Variants in VOPP1 observed in about 807,000 individuals in gnomAD.
VOPP1 encodes VOPP1 WW domain binding protein, also known as WW domain binding protein VOPP1.
A neutral mutation model predicts 23.5 loss-of-function variants in VOPP1; 8 were observed. The ratio of observed to expected loss-of-function variants is 0.34; its 90% CI spans 0.20 to 0.61. VOPP1 has a LOEUF of 0.61. VOPP1 is among the 20% of genes least tolerant of loss of function. The pLI is 0.78. For missense variants in VOPP1, 174 were observed against 238.1 expected, an observed-to-expected ratio of 0.73 and a Z score of 1.77; for synonymous variants, 83 against 97.3, an observed-to-expected ratio of 0.85 and a Z score of 0.86.
intron 2 of VOPP1, among the ~76,000 whole-genome samples, chr7:55,511,953 A>C (rs1392038723): frequency 6.6e-6 from 1 of 152,228 alleles, no homozygotes; most frequent in Admixed American, 6.5e-5. Context: ...TGGGTTTATA[A>C]GAATTACAGA....
rs530915143 is a variant in VOPP1 at position 55,436,639 on chromosome 7, T to C, written n.418-465A>G. ...ATGAGTGTGTGTGTGTGCGTGTGTG[T>C]GCGTGCGTGGGTGTGTGTGCGTGTG... On this transcript the variant is annotated intron_variant and non_coding_transcript_variant, in intron 4 of 4. Transcript: ENST00000462326. 7.9e-5 allele frequency among the ~76,000 whole-genome samples: 11 copies of C among 139,088 alleles called. No homozygotes were observed. In the East Asian group the frequency reaches 1.0e-3, roughly 13 times the overall value. The allele number at this position is 139,088 out of a possible 152,430, so 91.2% of individuals were successfully genotyped here. A position where few individuals can be genotyped will look rare whatever the true frequency, so the allele number is the denominator to read the frequency against.
chr7:55,549,372 C>A (rs1797505020), intron 1 of VOPP1, among the ~76,000 whole-genome samples: 1 of 152,320 alleles, frequency 6.6e-6, no homozygotes, highest in Admixed American at 6.5e-5. Flanking sequence ...ACTGATGGCA[C>A]ATGCACGGGC....
intron 4 of VOPP1, among the ~76,000 whole-genome samples, chr7:55,454,030 T>C (rs1392065770): frequency 1.3e-5 from 2 of 152,220 alleles, no homozygotes; most frequent in Non-Finnish European, 2.9e-5. Flanking sequence ...CCAGTCCTTA[T>C]TTTTAAAATT....
chr7:55,447,259 G>C (rs1011569679), intron 4 of VOPP1, among the ~76,000 whole-genome samples: 16 of 152,232 alleles, frequency 1.1e-4, no homozygotes, highest in African/African-American at 3.9e-4. Context: ...CAGTGGAATT[G>C]TTCTATCCTG....
intron 4 of VOPP1, among the ~76,000 whole-genome samples, chr7:55,478,776 T>C (rs2129011629): frequency 6.6e-6 from 1 of 152,374 alleles, no homozygotes; most frequent in South Asian, 2.1e-4. Context: ...CCTGTCATTC[T>C]AGCCACCGAG....
intron 2 of VOPP1, among the ~76,000 whole-genome samples, chr7:55,520,486 G>A (rs997464835): frequency 6.6e-6 from 1 of 152,138 alleles, no homozygotes; most frequent in Non-Finnish European, 1.5e-5. Flanking sequence ...ACACGAAAAC[G>A]ACAGGAAGAA....
In VOPP1 at chr7:55,476,574, C is replaced by T. The variant is rs545512550; in HGVS notation, c.329-3529G>A. On this transcript the variant is annotated intron_variant, in intron 4 of 4. Coordinates refer to ENST00000285279, the MANE Select transcript of VOPP1 (RefSeq NM_030796.5). The stretch of plus-strand genomic sequence containing the variant: ...CCAGGAGGGACAGAGGCCAGGGGCC[C>T]AGGGGCCTGACTCCTGACAGCGTTC... 3.3e-5 allele frequency among the ~76,000 whole-genome samples: 5 copies of T among 152,256 alleles called. No homozygotes were observed. In the East Asian group the frequency reaches 7.7e-4, roughly 24 times the overall value.
At chr7:55,513,141 G>A (rs370427126) in intron 2 of VOPP1, among the ~76,000 whole-genome samples, 4 of 151,934 alleles carry the variant, frequency 2.6e-5, no homozygotes, top group East Asian at 3.8e-4. Context: ...GGTCAAAATC[G>A]ATAGTGCTGG....
At chr7:55,495,008 C>G (rs1453914587) in intron 3 of VOPP1, among the ~76,000 whole-genome samples, 2 of 152,020 alleles carry the variant, frequency 1.3e-5, no homozygotes, top group East Asian at 3.8e-4. Context: ...TTAGAAGTTA[C>G]CTGGTTACTT....
chr7:55,538,651 T>C (rs1796951913), intron 1 of VOPP1: 1 of 1,536,014 alleles, frequency 6.5e-7, no homozygotes, highest in South Asian at 1.2e-5. Flanking sequence ...AGAGTTTCGC[T>C]GAGCATTGTG....
At chr7:55,504,943 G>C (rs1332881173) in intron 2 of VOPP1, among the ~76,000 whole-genome samples, 1 of 152,206 alleles carries the variant, frequency 6.6e-6, no homozygotes. Flanking sequence ...TTCTCAGTAA[G>C]TTCTGTCTTC....
At chr7:55,529,038 CAATTCT>C (rs1796344963) in intron 1 of VOPP1, among the ~76,000 whole-genome samples, 1 of 152,260 alleles carries the variant, frequency 6.6e-6, no homozygotes, top group East Asian at 1.9e-4. Context: ...CTGAAGCCTT[CAATTCT>C]GATGATAGAG....
Position 55,472,888 on chromosome 7 carries a change from C to A in VOPP1, c.486G>T (p.Pro162=). ...PPPPAYCNTP[P]PPYEQVVKAK ...CCTTCACTACCTGTTCGTACGGGGG[C>A]GGAGGCGTGTTGCAGTAGGCTGGAG... Residue 162 remains proline, a synonymous_variant, in exon 5 of 5, where the codon CCG becomes CCT. Coordinates refer to ENST00000285279, the MANE Select transcript of VOPP1 (RefSeq NM_030796.5). The A allele has an allele frequency of 2.1e-6, 3 of 1,455,864 alleles. No homozygotes were observed. The highest frequency in any genetic ancestry group is 2.7e-6 in the Non-Finnish European group (3 of 1,099,644). 90.2% of individuals were successfully genotyped at this position (1,455,864 alleles called of 1,614,324 possible).
downstream of VOPP1, among the ~76,000 whole-genome samples, chr7:55,468,356 T>C (rs1220072400): frequency 2.0e-5 from 3 of 151,922 alleles, no homozygotes; most frequent in Non-Finnish European, 1.5e-5. Context: ...ATGGGGCCTT[T>C]GGAGCCCACA....
At chr7:55,569,897 C>T (rs962003719) in intron 1 of VOPP1, among the ~76,000 whole-genome samples, 6 of 152,128 alleles carry the variant, frequency 3.9e-5, no homozygotes, top group African/African-American at 1.4e-4. Flanking sequence ...GGGGTGGGAA[C>T]AGAGTCACCA....
rs142241498 is a variant in VOPP1, at chr7:55,511,530, C to A, written c.113+9542G>T. 3.4e-3 allele frequency among the ~76,000 whole-genome samples: 515 copies of A among 152,270 alleles called. 2 individuals carry two copies. The highest frequency in any genetic ancestry group is 0.024 in the Middle Eastern group (7 of 294). On this transcript the variant is annotated intron_variant, in intron 2 of 4. Transcript: ENST00000285279. ...AATGTGAAAGAAAAATATCTTGAATCCCCAAATCACTAAGCTAAAAGGAAA... is the reference window on the plus strand; with the variant it reads ...AATGTGAAAGAAAAATATCTTGAATACCCAAATCACTAAGCTAAAAGGAAA...
chr7:55,551,658 A>C (rs2129053848), intron 1 of VOPP1, among the ~76,000 whole-genome samples: 1 of 152,298 alleles, frequency 6.6e-6, no homozygotes, highest in Non-Finnish European at 1.5e-5. Context: ...GTCAGGGCTG[A>C]GGTGGAGGAA....
At chr7:55,520,238 G>C (rs1489200874) in intron 2 of VOPP1, among the ~76,000 whole-genome samples, 2 of 152,164 alleles carry the variant, frequency 1.3e-5, no homozygotes, top group Admixed American at 1.3e-4. Flanking sequence ...CTATATGCTA[G>C]AATATATAGT....
chr7:55,485,184 G>C (rs745909117), intron 4 of VOPP1, among the ~76,000 whole-genome samples: 2 of 152,046 alleles, frequency 1.3e-5, no homozygotes, highest in Non-Finnish European at 2.9e-5. Flanking sequence ...TTAAGCTCCT[G>C]GCTTTGTTTT....
Sources: gnomAD v4.1 joint callset for allele counts (sites outside exome capture counted in the v4.1 genomes callset) on GRCh38, gnomAD v4.1.1 for gene constraint, MANE v1.5 for transcripts, NCBI Gene and HGNC (gene_info 2026-07-23, HGNC 2026-07-21) for gene names.